BRINP1: variants seen among roughly 807,000 people sequenced by gnomAD.
The protein encoded by BRINP1 is BMP/retinoic acid inducible neural specific 1, also known as BMP/retinoic acid-inducible neural-specific protein 1.
BRINP1 carries 17 observed loss-of-function variants against 72.9 expected under a neutral mutation model. The observed-to-expected ratio is 0.23, with a 90% confidence interval of 0.16 to 0.35. The LOEUF (loss-of-function observed/expected upper bound fraction) is 0.35. BRINP1 is among the 10% of genes least tolerant of loss of function. The probability of loss-of-function intolerance (pLI) is 1.00; values close to 1 mark genes in which losing one functional copy is unlikely to be tolerated. For missense variants in BRINP1, 850 were observed against 1,001.6 expected (o/e 0.85, Z 2.04); for synonymous variants, 418 against 378.5 (o/e 1.10, Z -1.21).
At chr9:119,188,287 T>C (rs1046401799) in intron 7 of BRINP1, among the ~76,000 whole-genome samples, 56 of 151,798 alleles carry the variant, frequency 3.7e-4, no homozygotes, top group Non-Finnish European at 7.1e-4. Flanking sequence ...ATCAAAGACA[T>C]CATAGAAATG....
intron 1 of BRINP1, among the ~76,000 whole-genome samples, chr9:119,362,720 C>T (rs1831649489): frequency 6.6e-6 from 1 of 152,182 alleles, no homozygotes; most frequent in African/African-American, 2.4e-5. Flanking sequence ...ACTCTTGTTT[C>T]TCCTCCTCAC....
At chr9:119,291,111 G>T (rs1021843435) in intron 2 of BRINP1, among the ~76,000 whole-genome samples, 2 of 131,344 alleles carry the variant, frequency 1.5e-5, no homozygotes, top group African/African-American at 6.0e-5. Flanking sequence ...CGACAAGAAT[G>T]AACTCCATCT....
intron 2 of BRINP1, among the ~76,000 whole-genome samples, chr9:119,261,758 C>A (rs577753386): frequency 4.6e-5 from 7 of 151,366 alleles, no homozygotes; most frequent in Non-Finnish European, 5.9e-5. Context: ...TCTTTTCTTT[C>A]TTTCTCTCTT....
chr9:119,307,730 G>A (rs1035546284), intron 2 of BRINP1, among the ~76,000 whole-genome samples: 1 of 152,184 alleles, frequency 6.6e-6, no homozygotes, highest in African/African-American at 2.4e-5. Context: ...CCCTGAGTCT[G>A]CTCACCAGAA....
intron 2 of BRINP1, among the ~76,000 whole-genome samples, chr9:119,293,459 G>T (rs1001286541): frequency 2.0e-5 from 3 of 152,122 alleles, no homozygotes; most frequent in African/African-American, 7.2e-5. Context: ...AAAAGCACCA[G>T]CGATGTACCT....
chr9:119,303,442 AG>A (rs1417708174), intron 2 of BRINP1, among the ~76,000 whole-genome samples: 1 of 152,182 alleles, frequency 6.6e-6, no homozygotes, highest in Non-Finnish European at 1.5e-5. Flanking sequence ...ACGGTGCAGT[AG>A]GAACTAGAAG....
intron 7 of BRINP1, among the ~76,000 whole-genome samples, chr9:119,182,963 T>C (rs1176449569): frequency 1.3e-5 from 2 of 152,204 alleles, no homozygotes; most frequent in East Asian, 1.9e-4. Context: ...AATGATATAT[T>C]ACTCAGCAGG....
At chr9:119,228,573 G>A (rs1398951201) in intron 5 of BRINP1, among the ~76,000 whole-genome samples, 4 of 151,938 alleles carry the variant, frequency 2.6e-5, no homozygotes, top group African/African-American at 9.7e-5. Flanking sequence ...CTGTGTATGT[G>A]CATGTGTGCA....
In BRINP1 at chr9:119,167,620, A is replaced by G. The variant is rs866804521; in HGVS notation, c.1750T>C (p.Tyr584His). 6.2e-7 allele frequency: 1 copy of G among 1,614,118 alleles called. No individual in the cohort carries two copies. The highest frequency in any genetic ancestry group is 8.5e-7 in the Non-Finnish European group (1 of 1,180,030). Residue 584 changes from tyrosine (Y) to histidine (H), a missense_variant, in exon 8 of 8, where the codon TAC becomes CAC. Physicochemically the swap from Tyr to His is moderately conservative, Grantham distance 83. Transcript: ENST00000265922. This position sits in a 1 kb window ranked among gnomAD's most constrained non-coding sequence, Gnocchi z 4.3. Reference protein sequence around the residue: ...GWNMPFGEFGYPRWEKIRLQN... With the variant: ...GWNMPFGEFGHPRWEKIRLQN... ...AGACGGATCTTCTCCCAGCGTGGGT[A>G]GCCAAATTCCCCGAAGGGCATGTTC... is the stretch of plus-strand genomic sequence containing the variant.
chr9:119,226,046 G>A (rs937867424), intron 5 of BRINP1, among the ~76,000 whole-genome samples: 10 of 152,012 alleles, frequency 6.6e-5, no homozygotes, highest in African/African-American at 4.8e-5. Flanking sequence ...TCCTCTCAGC[G>A]ATCTCAGTTA....
chr9:119,332,384 T>C (rs974586124), intron 1 of BRINP1, among the ~76,000 whole-genome samples: 2 of 152,190 alleles, frequency 1.3e-5, no homozygotes, highest in Non-Finnish European at 1.5e-5. Context: ...ACCTATGGGA[T>C]AGTTGTGGTG....
chr9:119,302,516 A>T (rs969824422), intron 2 of BRINP1, among the ~76,000 whole-genome samples: 1 of 152,170 alleles, frequency 6.6e-6, no homozygotes, highest in African/African-American at 2.4e-5. Context: ...CATAAAAAAA[A>T]ATCATTGAAA....
chr9:119,360,099 A>G (rs1831613624), intron 1 of BRINP1, among the ~76,000 whole-genome samples: 1 of 152,206 alleles, frequency 6.6e-6, no homozygotes, highest in Non-Finnish European at 1.5e-5. Flanking sequence ...TCCTATTGAT[A>G]TACATTCAGA....
At chr9:119,286,033 T>C (rs1830757302) in intron 2 of BRINP1, among the ~76,000 whole-genome samples, 1 of 152,140 alleles carries the variant, frequency 6.6e-6, no homozygotes, top group African/African-American at 2.4e-5. Context: ...AAAATCATCA[T>C]TGCCATCAAC....
chr9:119,269,573 A>G (rs1042636238), intron 2 of BRINP1, among the ~76,000 whole-genome samples: 3 of 152,154 alleles, frequency 2.0e-5, no homozygotes, highest in African/African-American at 7.2e-5. Context: ...CTAGTTTACA[A>G]AGCACATTTC....
intron 1 of BRINP1, among the ~76,000 whole-genome samples, chr9:119,349,801 G>A (rs867410523): frequency 7.2e-5 from 11 of 152,154 alleles, no homozygotes; most frequent in African/African-American, 2.4e-4. Flanking sequence ...GGGAAAACAC[G>A]TAGGCAGGAA....
At position 119,206,354 on chromosome 9, in the gene BRINP1, A is replaced by G. The variant is rs897440778; in HGVS notation, c.1145+2365T>C. On this transcript the variant is annotated intron_variant, in intron 7 of 7. Coordinates refer to ENST00000265922, the MANE Select transcript of BRINP1 (RefSeq NM_014618.3). ...AGAATCGCTTGAACCTGGGAGACGG[A>G]GGTTGCAGTGAACCAAGATAGCGAC... Among the ~76,000 whole-genome samples the G allele has an allele frequency of 5.7e-5, 8 of 140,560 alleles. No individual in the cohort carries two copies. The Admixed American group carries it at 6.1e-4, about 11-fold the overall frequency. 92.2% of individuals were successfully genotyped at this position (140,560 alleles called of 152,430 possible).
intron 5 of BRINP1, among the ~76,000 whole-genome samples, chr9:119,237,819 G>A (rs756437013): frequency 2.0e-5 from 3 of 151,422 alleles, no homozygotes; most frequent in African/African-American, 4.9e-5. Context: ...ACACCACCGC[G>A]CCCAGCTAAT....
intron 7 of BRINP1, among the ~76,000 whole-genome samples, chr9:119,207,475 T>A (rs1402024065): frequency 3.9e-5 from 6 of 152,212 alleles, no homozygotes; most frequent in African/African-American, 1.4e-4. Flanking sequence ...CTCTCTTACA[T>A]CAGAATTGCT....
Sources: allele counts gnomAD v4.1 joint callset (sites outside exome capture counted in the v4.1 genomes callset), GRCh38; gene constraint gnomAD v4.1.1; non-coding constraint Gnocchi (gnomAD v3.1); transcripts MANE v1.5; gene names NCBI Gene and HGNC (gene_info 2026-07-23, HGNC 2026-07-21).